The following MYLK variants were observed in gnomAD, a reference collection of about 807,000 sequenced individuals.
MYLK encodes myosin light chain kinase, smooth muscle.
MYLK carries 106 observed loss-of-function variants against 203.4 expected under a neutral mutation model. The ratio of observed to expected loss-of-function variants is 0.52; its 90% CI spans 0.45 to 0.61. The LOEUF is 0.61. MYLK is among the 20% of genes least tolerant of loss of function. MYLK has a pLI of 0.00. For missense variants in MYLK, 2,072 were observed against 2,442.3 expected (o/e 0.85, Z 3.20); for synonymous variants, 867 against 959.5 (o/e 0.90, Z 1.78).
At chr3:123,843,901 G>A (rs1389655724) in intron 2 of MYLK, among the ~76,000 whole-genome samples, 1 of 152,020 alleles carries the variant, frequency 6.6e-6, no homozygotes, top group Admixed American at 6.6e-5. Context: ...TAAGTGAGAG[G>A]GCTTATCCCT....
chr3:123,664,027 G>A, intron 23 of MYLK, 78 bp downstream of exon 23: 1 of 1,593,940 alleles, frequency 6.3e-7, no homozygotes, highest in East Asian at 2.2e-5. Context: ...ATGAAGTCCT[G>A]AGGCCCACGT....
chr3:123,722,642 C>T (rs903737328), intron 12 of MYLK, among the ~76,000 whole-genome samples: 1 of 152,190 alleles, frequency 6.6e-6, no homozygotes, highest in Non-Finnish European at 1.5e-5. Flanking sequence ...CTCAACTTCA[C>T]AGAATTCTGA....
chr3:123,868,707 T>C (rs145567499), intron 2 of MYLK, among the ~76,000 whole-genome samples: 5 of 152,320 alleles, frequency 3.3e-5, no homozygotes, highest in East Asian at 1.9e-4. Flanking sequence ...AACTACAAAG[T>C]GGGAACAAGA....
chr3:123,657,147 TTG>T lies in MYLK; in HGVS notation c.4265_4266del (p.Thr1422AsnfsTer7). The T allele has an allele frequency of 6.2e-7, 1 of 1,614,196 alleles. No individual in the cohort carries two copies. Among genetic ancestry groups the T allele is most frequent in the Non-Finnish European group, 8.5e-7 (1 of 1,180,034 alleles). On this transcript the variant is annotated frameshift_variant, in exon 24 of 34. Transcript: ENST00000360304. LOFTEE classifies it high-confidence loss of function. Reference protein sequence around the residue: ...TSEPSQESELTTVGEKPEEPK... With the variant: ...TSEPSQESELXTVGEKPEEPK... The stretch of plus-strand genomic sequence containing the variant: ...CTACCTTCAGGTTTCTCTCCTACCG[TTG>T]TGAGTTCAGACTCCTGGCTTGGCTC...
Position 123,638,163 on chromosome 3 carries a change from G to A in MYLK, c.4869C>T (p.Gly1623=). 5 of 1,614,024 alleles carry A rather than the reference G, an allele frequency of 3.1e-6. No individual in the cohort carries two copies. Among genetic ancestry groups the A allele is most frequent in the Non-Finnish European group, 4.2e-6 (5 of 1,180,026 alleles). ...CTTCAGGAGCCACAAATTCTGGGGT[G>A]CCAAAGAGGACCTTCAGAGACCCCG... ...ENAGSLKVLF[G]TPEFVAPEVI... is the part of the protein sequence containing the mutation. The change falls in exon 29 of 34, where the codon GGC becomes GGT. Residue 1623 remains glycine, a synonymous_variant. Transcript: ENST00000360304.
chr3:123,734,477 C>G (rs988002214), intron 9 of MYLK: 9 of 411,134 alleles, frequency 2.2e-5, no homozygotes, highest in African/African-American at 1.8e-4. Context: ...GTTCCCTTCT[C>G]TACTAGTGCC....
intron 13 of MYLK, among the ~76,000 whole-genome samples, chr3:123,713,047 A>C (rs2061758067): frequency 6.6e-6 from 1 of 152,232 alleles, no homozygotes; most frequent in African/African-American, 2.4e-5. Flanking sequence ...ATCATGGGAT[A>C]TATCTCAAAG....
chr3:123,705,092 T>A (rs993054872), intron 16 of MYLK, among the ~76,000 whole-genome samples: 4 of 152,090 alleles, frequency 2.6e-5, no homozygotes, highest in African/African-American at 4.8e-5. Context: ...CTCACAATCC[T>A]AGCAGGGACA....
At chr3:123,734,246 TA>T in intron 9 of MYLK, 24 bp from the exon 10 acceptor site, 2 of 1,415,798 alleles carry the variant, frequency 1.4e-6, no homozygotes, top group East Asian at 2.6e-5. Context: ...AGGGTGGGGG[TA>T]GGGTGGGTGA....
intron 3 of MYLK, among the ~76,000 whole-genome samples, chr3:123,794,544 G>C (rs2064914912): frequency 6.6e-6 from 1 of 152,124 alleles, no homozygotes; most frequent in African/African-American, 2.4e-5. Flanking sequence ...AGCCCAGAGA[G>C]GGTAAGTCAC....
Position 123,649,024 on chromosome 3 carries a change from G to A in MYLK, c.4362C>T (p.Ile1454=), listed in dbSNP as rs753209903. Residue 1454 remains isoleucine (I), a synonymous_variant, in exon 26 of 34, where the codon ATC becomes ATT. Coordinates refer to ENST00000360304, the MANE Select transcript of MYLK (RefSeq NM_053025.4). The part of the protein sequence containing the change: ...EPEVDYRTVT[I]NTEQKVSDFY... Reference sequence around the variant, plus strand: ...AGTCAGATACTTTTTGTTCAGTATTGATTGTCACTGTCCGGTAATCAACCT... The same window carrying A: ...AGTCAGATACTTTTTGTTCAGTATTAATTGTCACTGTCCGGTAATCAACCT... The A allele has an allele frequency of 3.4e-5, 55 of 1,614,038 alleles. No individual in the cohort carries two copies. Among genetic ancestry groups the A allele is most frequent in the Non-Finnish European group, 4.5e-5 (53 of 1,180,030 alleles).
chr3:123,820,611 TTTCC>T (rs71142760), intron 3 of MYLK, among the ~76,000 whole-genome samples: 26,929 of 136,112 alleles, frequency 0.2, 2,497 homozygotes, highest in Middle Eastern at 0.24. Context: ...CAGTGATTGA[TTTCC>T]TTCCTTCCTT....
intron 13 of MYLK, among the ~76,000 whole-genome samples, chr3:123,716,865 C>T (rs1485951807): frequency 2.6e-5 from 4 of 152,280 alleles, no homozygotes; most frequent in Middle Eastern, 3.4e-3. Context: ...TGGGCACAAA[C>T]GTACATGTAT....
At chr3:123,858,708 C>T (rs2031633079) in intron 2 of MYLK, among the ~76,000 whole-genome samples, 1 of 152,090 alleles carries the variant, frequency 6.6e-6, no homozygotes, top group East Asian at 1.9e-4. Flanking sequence ...TGGATTTATC[C>T]ATTCATGAAG....
intron 2 of MYLK, among the ~76,000 whole-genome samples, chr3:123,847,588 ATTCTT>A (rs1364326158): frequency 2.0e-5 from 3 of 152,226 alleles, no homozygotes; most frequent in South Asian, 4.1e-4. Flanking sequence ...GTTCTCTTCT[ATTCTT>A]AGTTTTCTGA....
intron 18 of MYLK, among the ~76,000 whole-genome samples, chr3:123,698,482 CT>C (rs1366385070): frequency 6.6e-6 from 1 of 152,118 alleles, no homozygotes; most frequent in Non-Finnish European, 1.5e-5. Context: ...TTACCAAGGA[CT>C]TTCCAAGTGG....
intron 28 of MYLK, chr3:123,638,838 T>C: frequency 1.0e-6 from 1 of 985,448 alleles, no homozygotes; most frequent in Non-Finnish European, 1.2e-6. Flanking sequence ...GTGGTACCTC[T>C]TGGCCATAAA....
chr3:123,700,336 G>A lies in MYLK; in HGVS notation c.3132C>T (p.Ala1044=), dbSNP rs58176285. 51 of 1,613,518 alleles carry A rather than the reference G, an allele frequency of 3.2e-5. No individual in the cohort carries two copies. Among genetic ancestry groups the A allele is most frequent in the African/African-American group, 2.1e-4 (16 of 74,824 alleles). The change falls in exon 18 of 34, where the codon GCC becomes GCT. Residue 1044 remains alanine, a synonymous_variant. Coordinates refer to ENST00000360304, the MANE Select transcript of MYLK (RefSeq NM_053025.4). ...TLKPMGNAKP[A]ETLKPMGNAK... ...CATTGCCCATGGGCTTCAGGGTCTC[G>A]GCAGGCTTGGCGTTGCCCATTGGCT...
chr3:123,862,235 C>G (rs756835243), intron 2 of MYLK, among the ~76,000 whole-genome samples: 2 of 152,228 alleles, frequency 1.3e-5, no homozygotes, highest in Non-Finnish European at 2.9e-5. Flanking sequence ...ACAATTTAAA[C>G]TGGAGAATCC....
Sources: allele counts gnomAD v4.1 joint callset (sites outside exome capture counted in the v4.1 genomes callset), GRCh38; gene constraint gnomAD v4.1.1; transcripts MANE v1.5; gene names NCBI Gene and HGNC (gene_info 2026-07-23, HGNC 2026-07-21).